The following RMDN2 variants were observed in gnomAD, a reference collection of about 807,000 sequenced individuals.
RMDN2 encodes regulator of microtubule dynamics 2, also known as regulator of microtubule dynamics protein 2.
Under a neutral mutation model 52.8 loss-of-function variants are expected in RMDN2, and 61 were observed. That is an observed-to-expected ratio of 1.16 (90% CI 0.94 to 1.43). RMDN2 has a LOEUF of 1.43. RMDN2 is among the 40% of genes most tolerant of loss of function. The probability of loss-of-function intolerance (pLI) is 0.00; values close to 1 mark genes in which losing one functional copy is unlikely to be tolerated. For missense variants in RMDN2, 592 were observed against 475.3 expected (o/e 1.25, Z -2.28); for synonymous variants, 180 against 153.1 (o/e 1.18, Z -1.30).
At chr2:38,013,343 T>G (rs1379989112) in intron 10 of RMDN2, among the ~76,000 whole-genome samples, 1 of 152,254 alleles carries the variant, frequency 6.6e-6, no homozygotes, top group Non-Finnish European at 1.5e-5. Flanking sequence ...AAAACCCATA[T>G]TTTAAAATTG....
intron 10 of RMDN2, among the ~76,000 whole-genome samples, chr2:38,051,350 C>A (rs1277311186): frequency 6.6e-6 from 1 of 152,122 alleles, no homozygotes; most frequent in Non-Finnish European, 1.5e-5. Flanking sequence ...TCCCTCTGTA[C>A]AATGCAATCA....
chr2:37,923,040 C>G (rs975797502), upstream of RMDN2: 4 of 152,230 alleles, frequency 2.6e-5, no homozygotes, highest in Non-Finnish European at 5.9e-5. Flanking sequence ...ATAACAGCAA[C>G]TCTGAGATTC....
At chr2:37,980,443 A>G (rs1464093777) in intron 4 of RMDN2, among the ~76,000 whole-genome samples, 2 of 152,084 alleles carry the variant, frequency 1.3e-5, no homozygotes, top group Non-Finnish European at 2.9e-5. Flanking sequence ...AGCTGGGATT[A>G]CAGGCATGCA....
At chr2:38,046,828 C>T (rs1186374802) in intron 10 of RMDN2, among the ~76,000 whole-genome samples, 5 of 152,052 alleles carry the variant, frequency 3.3e-5, no homozygotes, top group South Asian at 2.1e-4. Flanking sequence ...ACGAAAAATA[C>T]AAAAATTAGC....
chr2:38,020,776 C>T (rs1164968995), downstream of RMDN2, among the ~76,000 whole-genome samples: 1 of 152,178 alleles, frequency 6.6e-6, no homozygotes, highest in Non-Finnish European at 1.5e-5. Flanking sequence ...CTGCAGCCCC[C>T]CATGCCTGAA....
intron 2 of RMDN2, among the ~76,000 whole-genome samples, chr2:37,933,587 C>G (rs996361094): frequency 2.6e-5 from 4 of 152,266 alleles, no homozygotes; most frequent in African/African-American, 7.2e-5. Flanking sequence ...CCGGCCAACA[C>G]AGCGAAACCC....
chr2:37,922,463 A>C (rs1277112321), upstream of RMDN2, among the ~76,000 whole-genome samples: 1 of 152,154 alleles, frequency 6.6e-6, no homozygotes, highest in East Asian at 1.9e-4. Flanking sequence ...ACATTACTAT[A>C]ATGAAGGACT....
chr2:37,978,499 T>C (rs1040162710), intron 4 of RMDN2, among the ~76,000 whole-genome samples: 5 of 151,996 alleles, frequency 3.3e-5, no homozygotes, highest in Admixed American at 6.5e-5. Context: ...ATCATACATA[T>C]ACAAAAACGA....
intron 2 of RMDN2, among the ~76,000 whole-genome samples, chr2:37,964,995 CTT>C (rs1350147327): frequency 6.6e-6 from 1 of 152,002 alleles, no homozygotes; most frequent in African/African-American, 2.4e-5. Context: ...GCCTTTGTCT[CTT>C]GTACAATTTT....
chr2:37,935,674 C>A lies in RMDN2; in HGVS notation c.452+5945C>A, dbSNP rs529230307. ...TCCTACATGTGCACTTTTATATAAA[C>A]AAGACATAAATGGTCTTTTCTTCTT... On this transcript the variant is annotated intron_variant, in intron 2 of 10. Transcript: ENST00000354545. Among the ~76,000 whole-genome samples the A allele has an allele frequency of 4.6e-5, 7 of 152,274 alleles. No individual in the cohort carries two copies. In the East Asian group the frequency reaches 1.2e-3, roughly 25 times the overall value.
intron 10 of RMDN2, among the ~76,000 whole-genome samples, chr2:38,059,802 T>C (rs163078): frequency 0.62 from 93,768 of 152,102 alleles, 29,712 homozygotes; most frequent in African/African-American, 0.67. Flanking sequence ...TACACTCTGT[T>C]GCAAAGAAAA....
At chr2:37,926,626 A>G (rs1666303630) in intron 1 of RMDN2, among the ~76,000 whole-genome samples, 1 of 152,206 alleles carries the variant, frequency 6.6e-6, no homozygotes, top group Non-Finnish European at 1.5e-5. Flanking sequence ...AGTGTATACT[A>G]TTAACATAAT....
intron 10 of RMDN2, among the ~76,000 whole-genome samples, chr2:38,062,053 C>G (rs566419533): frequency 1.6e-4 from 25 of 152,236 alleles, no homozygotes; most frequent in Non-Finnish European, 2.9e-4. Flanking sequence ...CTGCCAATGT[C>G]AGTTCAGCTT....
At chr2:37,967,598 G>A (rs1671235328) in intron 2 of RMDN2, among the ~76,000 whole-genome samples, 1 of 152,210 alleles carries the variant, frequency 6.6e-6, no homozygotes, top group Non-Finnish European at 1.5e-5. Context: ...TATTATGAAA[G>A]TGTTTTGAGA....
rs576236840 is a variant in RMDN2 at position 38,065,251 on chromosome 2, T to C, written c.1714-1731T>C. On this transcript the variant is annotated intron_variant, in intron 10 of 10. Transcript: ENST00000234195. ...TACAGCACTTACATAAAGTAAAACA[T>C]ATATATTCAAAACAATAATACAAAT... is the stretch of plus-strand genomic sequence containing the variant. Among the ~76,000 whole-genome samples, 8 of 151,850 alleles carry C rather than the reference T, an allele frequency of 5.3e-5. No homozygotes were observed. In the South Asian group the frequency reaches 1.5e-3, roughly 28 times the overall value.
intron 4 of RMDN2, among the ~76,000 whole-genome samples, chr2:37,976,563 A>T (rs905617484): frequency 2.6e-5 from 4 of 152,100 alleles, no homozygotes; most frequent in Non-Finnish European, 5.9e-5. Flanking sequence ...TTGCTGAATG[A>T]CCTCTGTGCT....
intron 4 of RMDN2, among the ~76,000 whole-genome samples, chr2:37,980,385 C>T (rs984321933): frequency 5.3e-5 from 8 of 152,146 alleles, no homozygotes; most frequent in African/African-American, 1.9e-4. Flanking sequence ...CACGCTGCAA[C>T]CTCTGCCTCC....
intron 10 of RMDN2, among the ~76,000 whole-genome samples, chr2:38,007,974 A>T (rs1190285622): frequency 6.6e-6 from 1 of 151,664 alleles, no homozygotes; most frequent in Non-Finnish European, 1.5e-5. Flanking sequence ...CCCAGTAGTC[A>T]CTCAGGAGCA....
At chr2:38,066,298 A>T (rs1237391546) in intron 10 of RMDN2, among the ~76,000 whole-genome samples, 1 of 152,208 alleles carries the variant, frequency 6.6e-6, no homozygotes, top group Non-Finnish European at 1.5e-5. Context: ...ATTTGTCCTC[A>T]AAGCCTGTAT....
Sources: allele counts gnomAD v4.1 joint callset (sites outside exome capture counted in the v4.1 genomes callset), GRCh38; gene constraint gnomAD v4.1.1; transcripts MANE v1.5; gene names NCBI Gene and HGNC (gene_info 2026-07-23, HGNC 2026-07-21).